The following TBCK variants were observed in gnomAD, a reference collection of about 807,000 sequenced individuals.
TBCK encodes TBC1 domain containing kinase, also known as TBC domain-containing protein kinase-like protein.
Under a neutral mutation model 113.4 loss-of-function variants are expected in TBCK, and 99 were observed. The ratio of observed to expected loss-of-function variants is 0.87; its 90% confidence interval spans 0.74 to 1.03. The LOEUF is 1.03. Among genes scored for constraint, TBCK ranks in the 50% least tolerant of loss-of-function variants. The probability of loss-of-function intolerance (pLI) is 0.00; values close to 1 mark genes in which losing one functional copy is unlikely to be tolerated. For missense variants in TBCK, 1,045 were observed against 1,061.3 expected, an observed-to-expected ratio of 0.98 and a Z score of 0.21; for synonymous variants, 369 against 370.8, an observed-to-expected ratio of 1.00 and a Z score of 0.05.
chr4:106,156,800 G>A (rs1252792338), intron 23 of TBCK, among the ~76,000 whole-genome samples: 2 of 152,096 alleles, frequency 1.3e-5, no homozygotes, highest in African/African-American at 2.4e-5. Flanking sequence ...CAGAAATGCT[G>A]TCCAAGAGCC....
At chr4:106,273,065 C>A (rs924173929) in intron 3 of TBCK, among the ~76,000 whole-genome samples, 4 of 152,102 alleles carry the variant, frequency 2.6e-5, no homozygotes, top group Admixed American at 2.6e-4. Flanking sequence ...ATAGGTCTAT[C>A]CACCTTTTGT....
intron 20 of TBCK, among the ~76,000 whole-genome samples, chr4:106,204,480 G>A (rs1171292739): frequency 6.6e-6 from 1 of 152,190 alleles, no homozygotes; most frequent in Non-Finnish European, 1.5e-5. Context: ...ATGGTGCAAA[G>A]CCACTGGTGG....
At chr4:106,186,688 T>C (rs1397414828) in intron 22 of TBCK, among the ~76,000 whole-genome samples, 6 of 152,162 alleles carry the variant, frequency 3.9e-5, no homozygotes, top group Admixed American at 3.9e-4. Context: ...GTTGTCTGTT[T>C]ACTCTGTTGA....
Position 106,244,723 on chromosome 4 carries a change from C to T in TBCK, c.973G>A (p.Val325Met). The T allele has an allele frequency of 6.2e-7, 1 of 1,600,898 alleles. No homozygotes were observed. Residue 325 changes from valine to methionine, a missense_variant, in exon 11 of 26, where the codon GTG becomes ATG. Val to Met is a conservative substitution (Grantham distance 21, BLOSUM62 1). Transcript: ENST00000394708. Reference sequence around the variant, plus strand: ...CCAGCCAAACACCAAAGGTAATACACTTCTTCAATAGATCTTTCTGCCAGG... The same window carrying T: ...CCAGCCAAACACCAAAGGTAATACATTTCTTCAATAGATCTTTCTGCCAGG... ...DYLAERSIEE[V>M]YYLWCLAGGD...
intron 1 of TBCK, among the ~76,000 whole-genome samples, chr4:106,312,248 C>T (rs936182037): frequency 2.0e-5 from 3 of 152,068 alleles, no homozygotes; most frequent in African/African-American, 4.8e-5. Flanking sequence ...GACCTGTATT[C>T]GGAGTCTATA....
chr4:106,305,055 G>A (rs1030382981), intron 2 of TBCK, among the ~76,000 whole-genome samples: 1 of 151,954 alleles, frequency 6.6e-6, no homozygotes, highest in African/African-American at 2.4e-5. Context: ...ATTAAATCTG[G>A]GTTTGTTTGT....
Position 106,095,955 on chromosome 4 carries a change from T to A in TBCK, c.2412-314A>T, listed in dbSNP as rs546405882. Among the ~76,000 whole-genome samples, 12 of 152,274 alleles carry A rather than the reference T, an allele frequency of 7.9e-5. No individual in the cohort carries two copies. The East Asian group carries it at 1.5e-3, about 20-fold the overall frequency. ...AAAGAGGTTCTATAAAGAGTGGAGA[T>A]GGTGGAGATGGACTACATATCTTAC... On this transcript the variant is annotated intron_variant, in intron 24 of 25. Transcript: ENST00000394708.
At position 106,235,314 on chromosome 4, in the gene TBCK, A is replaced by C. The variant is rs145121415; in HGVS notation, c.1404T>G (p.Pro468=). The change falls in exon 15 of 26, where the codon CCT becomes CCG. Residue 468 remains proline (P), a synonymous_variant. Transcript: ENST00000394708. ...CCCAGGTTAAACCTCTCATAAGAGG[A>C]GGAATGTCAACTCTTGCTTCTTTCC... ...QIWKEARVDI[P]PLMRGLTWAA... The C allele has an allele frequency of 3.1e-6, 5 of 1,611,024 alleles. No homozygotes were observed. The East Asian group carries it at 1.1e-4, about 36-fold the overall frequency.
At chr4:106,186,147 G>T (rs1213233092) in intron 22 of TBCK, among the ~76,000 whole-genome samples, 1 of 152,112 alleles carries the variant, frequency 6.6e-6, no homozygotes, top group Non-Finnish European at 1.5e-5. Context: ...GGGCATTTAG[G>T]TTGATTTTAT....
intron 23 of TBCK, among the ~76,000 whole-genome samples, chr4:106,138,994 C>T (rs772102536): frequency 7.1e-6 from 1 of 140,758 alleles, no homozygotes; most frequent in Non-Finnish European, 1.6e-5. Context: ...TCATCTCAAA[C>T]TCTAATTTTC....
intron 24 of TBCK, among the ~76,000 whole-genome samples, chr4:106,115,498 A>C (rs951240431): frequency 5.9e-5 from 9 of 152,180 alleles, no homozygotes; most frequent in African/African-American, 2.2e-4. Context: ...GAAGCAAATT[A>C]GTTATAACAT....
intron 25 of TBCK, among the ~76,000 whole-genome samples, chr4:106,047,994 T>G (rs1734402622): frequency 6.6e-6 from 1 of 152,134 alleles, no homozygotes; most frequent in Non-Finnish European, 1.5e-5. Context: ...AGCTTAATAC[T>G]TAGTAATATC....
At chr4:106,120,490 T>C (rs1451474056) in intron 23 of TBCK, among the ~76,000 whole-genome samples, 14 of 152,194 alleles carry the variant, frequency 9.2e-5, no homozygotes, top group Admixed American at 2.6e-4. Flanking sequence ...TGCCTGCCTC[T>C]GTAGGCTCCA....
intron 23 of TBCK, among the ~76,000 whole-genome samples, chr4:106,161,068 T>TG (rs1320937246): frequency 6.6e-6 from 1 of 151,904 alleles, no homozygotes; most frequent in African/African-American, 2.4e-5. Context: ...TACAATGGAA[T>TG]GGGTACAGAG....
At chr4:106,313,914 T>A (rs995775244) in intron 1 of TBCK, among the ~76,000 whole-genome samples, 1 of 152,188 alleles carries the variant, frequency 6.6e-6, no homozygotes, top group Non-Finnish European at 1.5e-5. Flanking sequence ...TATTTTGCCC[T>A]TGGCAGGAAA....
rs1263979775 is a variant in TBCK at position 106,233,670 on chromosome 4, A to G, written c.1450-20T>C. ...AGCTCCCTGCAAAAAATAAAAGAAG[A>G]TATATTAATTTATCATATCCTTAAT... On this transcript the variant is annotated intron_variant, in intron 15 of 25. Coordinates refer to ENST00000394708, the MANE Select transcript of TBCK (RefSeq NM_001163435.3). 1.3e-6 allele frequency: 2 copies of G among 1,568,760 alleles called. No homozygotes were observed. Among genetic ancestry groups the G allele is most frequent in the Admixed American group, 1.7e-5 (1 of 59,152 alleles).
intron 25 of TBCK, among the ~76,000 whole-genome samples, chr4:106,088,821 T>C (rs912128752): frequency 5.3e-5 from 8 of 152,026 alleles, no homozygotes; most frequent in Middle Eastern, 3.4e-3. Flanking sequence ...AGCAAACTAA[T>C]AGAGGAGCAG....
intron 25 of TBCK, among the ~76,000 whole-genome samples, chr4:106,057,382 TA>T (rs1199682431): frequency 6.6e-6 from 1 of 151,748 alleles, no homozygotes; most frequent in African/African-American, 2.4e-5. Flanking sequence ...TTAATACAAA[TA>T]AAAAAGTTAT....
At chr4:106,131,524 A>G (rs1229335467) in intron 23 of TBCK, among the ~76,000 whole-genome samples, 3 of 152,178 alleles carry the variant, frequency 2.0e-5, no homozygotes, top group Non-Finnish European at 4.4e-5. Flanking sequence ...GAGGCAGGAG[A>G]ATTGCTTGAA....
Sources: gnomAD v4.1 joint callset for allele counts (sites outside exome capture counted in the v4.1 genomes callset) on GRCh38, gnomAD v4.1.1 for gene constraint, MANE v1.5 for transcripts, NCBI Gene and HGNC (gene_info 2026-07-23, HGNC 2026-07-21) for gene names.